Variants in NPFFR2 observed in about 807,000 individuals in gnomAD.
The protein encoded by NPFFR2 is neuropeptide FF receptor 2.
A neutral mutation model predicts 13.1 loss-of-function variants in NPFFR2; 15 were observed. The ratio of observed to expected loss-of-function variants is 1.15; its 90% confidence interval spans 0.77 to 1.76. NPFFR2 has a LOEUF of 1.76. Among genes scored for constraint, NPFFR2 ranks in the 40% most tolerant of loss-of-function variants. The probability of loss-of-function intolerance (pLI) is 0.00; values close to 1 mark genes in which losing one functional copy is unlikely to be tolerated. For synonymous variants in NPFFR2, 190 were observed against 175.7 expected (o/e 1.08, Z -0.65); for missense variants, 572 against 503.5 (o/e 1.14, Z -1.30).
At chr4:72,050,768 C>A in intron 1 of NPFFR2, among the ~76,000 whole-genome samples, 1 of 149,366 alleles carries the variant, frequency 6.7e-6, no homozygotes, top group Middle Eastern at 3.4e-3. Flanking sequence ...CCCACCTCCC[C>A]CCACCCCACA....
chr4:72,036,325 C>T (rs957856957), intron 1 of NPFFR2, among the ~76,000 whole-genome samples: 3 of 151,862 alleles, frequency 2.0e-5, no homozygotes, highest in Non-Finnish European at 4.4e-5. Context: ...AATCAAAGTA[C>T]CAATTTCTGT....
In NPFFR2 at chr4:72,041,995, G is replaced by T. The variant is rs1260550167; in HGVS notation, c.-8+9795G>T. Among the ~76,000 whole-genome samples, 3 of 152,116 alleles carry T rather than the reference G, an allele frequency of 2.0e-5. No homozygotes were observed. The South Asian group carries it at 6.2e-4, about 32-fold the overall frequency. On this transcript the variant is annotated intron_variant, in intron 1 of 3. Coordinates refer to ENST00000308744, the MANE Select transcript of NPFFR2 (RefSeq NM_004885.3). ...GCAGAAGCTCTTTAGTTTAACTAGA[G>T]TCTCACTTGTCAATTTTTGTTTTTG...
intron 1 of NPFFR2, among the ~76,000 whole-genome samples, chr4:72,118,239 G>A (rs772695239): frequency 1.2e-4 from 18 of 152,072 alleles, no homozygotes; most frequent in Non-Finnish European, 2.2e-4. Context: ...AGTTAATTTG[G>A]TCATTGCTTC....
At chr4:72,116,149 A>G (rs1282324193) in intron 1 of NPFFR2, among the ~76,000 whole-genome samples, 1 of 152,198 alleles carries the variant, frequency 6.6e-6, no homozygotes, top group African/African-American at 2.4e-5. Context: ...GCAAATATCA[A>G]ACTTTAATGT....
chr4:72,051,070 C>G (rs1358062426), intron 1 of NPFFR2, among the ~76,000 whole-genome samples: 1 of 151,958 alleles, frequency 6.6e-6, no homozygotes, highest in African/African-American at 2.4e-5. Flanking sequence ...CCGCAATAAA[C>G]ATACGTGTGC....
intron 1 of NPFFR2, among the ~76,000 whole-genome samples, chr4:72,080,609 T>C (rs771671331): frequency 6.6e-6 from 1 of 152,188 alleles, no homozygotes; most frequent in Non-Finnish European, 1.5e-5. Context: ...AATTAGAATA[T>C]TTGTTCCTCA....
At chr4:72,059,440 A>G (rs1719858011) in intron 1 of NPFFR2, among the ~76,000 whole-genome samples, 1 of 152,020 alleles carries the variant, frequency 6.6e-6, no homozygotes, top group African/African-American at 2.4e-5. Context: ...ATACTATGGG[A>G]TTTAAATTTG....
intron 1 of NPFFR2, among the ~76,000 whole-genome samples, chr4:72,070,561 G>GTGTGTGTGTGTGTGT (rs368654718): frequency 0.17 from 22,295 of 131,478 alleles, 2,846 homozygotes; most frequent in East Asian, 0.26. Context: ...GTGTGTGTGT[G>GTGTGTGTGTGTGTGT]GGGGGGGGGG....
At chr4:72,070,826 G>T (rs1243926061) in intron 1 of NPFFR2, among the ~76,000 whole-genome samples, 1 of 152,048 alleles carries the variant, frequency 6.6e-6, no homozygotes, top group African/African-American at 2.4e-5. Context: ...CATAGCAATA[G>T]GTTTAATGAT....
At chr4:72,041,713 T>C (rs1187999320) in intron 1 of NPFFR2, among the ~76,000 whole-genome samples, 1 of 152,234 alleles carries the variant, frequency 6.6e-6, no homozygotes, top group Non-Finnish European at 1.5e-5. Context: ...AGATGATATC[T>C]CACTGTGGTT....
At chr4:72,102,630 T>G (rs1018374064) in intron 1 of NPFFR2, among the ~76,000 whole-genome samples, 16 of 150,126 alleles carry the variant, frequency 1.1e-4, no homozygotes, top group East Asian at 4.0e-4. Context: ...GCGGTGTTTG[T>G]TTTTTTGTCC....
At chr4:72,037,375 G>C (rs950943974) in intron 1 of NPFFR2, among the ~76,000 whole-genome samples, 1 of 145,518 alleles carries the variant, frequency 6.9e-6, no homozygotes, top group African/African-American at 2.5e-5. Flanking sequence ...CTGCACTCCA[G>C]CTTCGGCAAC....
intron 3 of NPFFR2, among the ~76,000 whole-genome samples, chr4:72,140,048 GCT>G (rs1363031297): frequency 6.6e-6 from 1 of 151,988 alleles, no homozygotes; most frequent in African/African-American, 2.4e-5. Context: ...TCATGATTTG[GCT>G]CTCTGTTTGT....
At chr4:72,123,177 C>G (rs540855415) in intron 1 of NPFFR2, among the ~76,000 whole-genome samples, 3 of 150,644 alleles carry the variant, frequency 2.0e-5, no homozygotes, top group African/African-American at 7.3e-5. Flanking sequence ...GAAATGGATA[C>G]ATTCCTGGAC....
chr4:72,090,863 T>C (rs1720898217), intron 1 of NPFFR2, among the ~76,000 whole-genome samples: 2 of 152,124 alleles, frequency 1.3e-5, no homozygotes, highest in African/African-American at 4.8e-5. Context: ...CTATGTGAAA[T>C]AGAAGTGGTG....
At chr4:72,134,968 C>T (rs1267899699) in intron 2 of NPFFR2, among the ~76,000 whole-genome samples, 2 of 151,940 alleles carry the variant, frequency 1.3e-5, no homozygotes, top group East Asian at 1.9e-4. Flanking sequence ...TGAGATGAAA[C>T]GTTTGAGCTC....
intron 1 of NPFFR2, among the ~76,000 whole-genome samples, chr4:72,087,319 A>G (rs1287831600): frequency 6.6e-6 from 1 of 152,148 alleles, no homozygotes; most frequent in African/African-American, 2.4e-5. Flanking sequence ...CATTGTTGCT[A>G]AAGTTCTGGG....
At chr4:72,034,477 A>T (rs925120986) in intron 1 of NPFFR2, among the ~76,000 whole-genome samples, 3 of 152,198 alleles carry the variant, frequency 2.0e-5, no homozygotes, top group African/African-American at 4.8e-5. Context: ...ACATGGTGGT[A>T]GCTGTCCTCA....
chr4:72,098,755 C>G (rs1048064825), intron 1 of NPFFR2, among the ~76,000 whole-genome samples: 2 of 152,188 alleles, frequency 1.3e-5, no homozygotes, highest in Non-Finnish European at 2.9e-5. Flanking sequence ...TGGGCCAACT[C>G]TGAGTCTTTG....
Sources: allele counts gnomAD v4.1 joint callset (sites outside exome capture counted in the v4.1 genomes callset), GRCh38; gene constraint gnomAD v4.1.1; transcripts MANE v1.5; gene names NCBI Gene and HGNC (gene_info 2026-07-23, HGNC 2026-07-21).